Variants in EXOC5 observed in about 807,000 individuals in gnomAD.
The protein encoded by EXOC5 is SEC10-like 1.
Under a neutral mutation model 90.8 loss-of-function variants are expected in EXOC5, and 17 were observed. The observed-to-expected ratio is 0.19, with a 90% confidence interval of 0.13 to 0.28. The LOEUF is 0.28. Among genes scored for constraint, EXOC5 ranks in the 10% least tolerant of loss-of-function variants. EXOC5 has a pLI of 1.00. For missense variants in EXOC5, 569 were observed against 830.6 expected, an observed-to-expected ratio of 0.69 and a Z score of 3.87; for synonymous variants, 260 against 270.0, an observed-to-expected ratio of 0.96 and a Z score of 0.36.
At chr14:57,238,367 T>C (rs370553943) in intron 5 of EXOC5, among the ~76,000 whole-genome samples, 10,326 of 95,826 alleles carry the variant, frequency 0.11, 680 homozygotes, top group African/African-American at 0.25. Context: ...TATATATATA[T>C]ATATATATAC....
intron 12 of EXOC5, among the ~76,000 whole-genome samples, chr14:57,225,376 C>A (rs1409737352): frequency 6.6e-6 from 1 of 152,164 alleles, no homozygotes; most frequent in Non-Finnish European, 1.5e-5. Flanking sequence ...TAGTATCATA[C>A]TTAATGGTGA....
At chr14:57,255,913 C>G (rs1566505795) in intron 1 of EXOC5, among the ~76,000 whole-genome samples, 3 of 151,644 alleles carry the variant, frequency 2.0e-5, no homozygotes, top group Admixed American at 6.6e-5. Context: ...TTATATGATG[C>G]TGTGACTCCC....
At chr14:57,214,433 G>A (rs772806573) in intron 15 of EXOC5, among the ~76,000 whole-genome samples, 10 of 152,046 alleles carry the variant, frequency 6.6e-5, no homozygotes, top group East Asian at 3.9e-4. Context: ...TTTTTATTTC[G>A]GATTTTTGGA....
chr14:57,221,488 G>C (rs1195156576), intron 13 of EXOC5, among the ~76,000 whole-genome samples: 1 of 152,202 alleles, frequency 6.6e-6, no homozygotes, highest in Non-Finnish European at 1.5e-5. Context: ...GTTACAAGTA[G>C]ACAGAGATAA....
At chr14:57,227,578 T>C (rs1261727115) in intron 12 of EXOC5, among the ~76,000 whole-genome samples, 1 of 152,158 alleles carries the variant, frequency 6.6e-6, no homozygotes, top group Non-Finnish European at 1.5e-5. Flanking sequence ...CCATTGGCGG[T>C]GTGTGACAAC....
At chr14:57,227,220 T>G (rs1400436618) in intron 12 of EXOC5, among the ~76,000 whole-genome samples, 1 of 152,094 alleles carries the variant, frequency 6.6e-6, no homozygotes, top group Non-Finnish European at 1.5e-5. Flanking sequence ...ATCACTGCAT[T>G]AGGAAAATGA....
At chr14:57,243,173 A>C (rs1883924010) in intron 4 of EXOC5, 1 of 152,208 alleles carries the variant, frequency 6.6e-6, no homozygotes, top group African/African-American at 2.4e-5. Context: ...TGACAGGTAC[A>C]CTAAAATCTC....
intron 4 of EXOC5, among the ~76,000 whole-genome samples, chr14:57,242,265 G>T (rs1304932145): frequency 1.3e-5 from 2 of 148,878 alleles, no homozygotes. Flanking sequence ...TTTTTTTCTT[G>T]AGACAGGGTC....
intron 11 of EXOC5, 55 bp from the exon 12 acceptor site, chr14:57,229,936 C>CTT: frequency 9.0e-7 from 1 of 1,110,680 alleles, no homozygotes; most frequent in Non-Finnish European, 1.2e-6. Flanking sequence ...TAGATTTCAA[C>CTT]TTTGAGTACT....
chr14:57,223,198 G>A (rs537775739), intron 12 of EXOC5, among the ~76,000 whole-genome samples: 37 of 152,134 alleles, frequency 2.4e-4, no homozygotes, highest in African/African-American at 8.2e-4. Context: ...TCATTTTGGC[G>A]CTGCTGTTGC....
At chr14:57,212,103 G>A (rs1882845124) in intron 15 of EXOC5, among the ~76,000 whole-genome samples, 1 of 152,160 alleles carries the variant, frequency 6.6e-6, no homozygotes, top group South Asian at 2.1e-4. Context: ...GGGCTCAAGT[G>A]ATCCTCCTGC....
intron 9 of EXOC5, 24 bp from the exon 10 acceptor site, chr14:57,232,773 T>C (rs1427202784): frequency 1.2e-5 from 13 of 1,103,296 alleles, no homozygotes; most frequent in Non-Finnish European, 1.7e-5. Context: ...GTTAACATTC[T>C]GTTAATTAGG....
chr14:57,232,350 T>G lies in EXOC5; in HGVS notation c.938+317A>C, dbSNP rs183942119. On this transcript the variant is annotated intron_variant, in intron 10 of 17. Coordinates refer to ENST00000621441, the MANE Select transcript of EXOC5 (RefSeq NM_006544.4). ...GCACAAGACAAATTCCTACAGAAGA[T>G]TTAGAGCTGAAATTGTCATTTGTTA... 308 of 174,816 alleles carry G rather than the reference T, an allele frequency of 1.8e-3. 1 individual carries two copies. Among genetic ancestry groups the G allele is most frequent in the African/African-American group, 6.9e-3 (295 of 42,610 alleles). The allele number at this position is 174,816 out of a possible 1,614,324, so 10.8% of individuals were successfully genotyped here. A position where few individuals can be genotyped will look rare whatever the true frequency, so the allele number is the denominator to read the frequency against.
In EXOC5 at chr14:57,246,825, T is replaced by G; in HGVS notation, c.156A>C (p.Glu52Asp). The G allele has an allele frequency of 6.3e-7, 1 of 1,588,920 alleles. No homozygotes were observed. Among genetic ancestry groups the G allele is most frequent in the Non-Finnish European group, 8.6e-7 (1 of 1,162,802 alleles). The part of the protein sequence containing the change: ...LLEEFVNHIQ[E>D]LQIMDERIQR... ...GAATCCTTTCATCCATTATCTGGAG[T>G]TCCTGAATATGATTTACAAATTCTT... Residue 52 changes from glutamate (E) to aspartate (D), a missense_variant, in exon 3 of 18, where the codon GAA becomes GAC. By Grantham distance (45) the Glu-to-Asp change is conservative. Around this residue, in one of 9 missense-constraint regions of EXOC5, gnomAD observed 45 missense variants for 44.6 expected, o/e 1.01. Transcript: ENST00000621441.
intron 1 of EXOC5, among the ~76,000 whole-genome samples, chr14:57,264,974 T>G (rs1041949777): frequency 6.6e-6 from 1 of 152,124 alleles, no homozygotes; most frequent in African/African-American, 2.4e-5. Context: ...TAACAAGCAG[T>G]AGAAAATAAA....
intron 15 of EXOC5, among the ~76,000 whole-genome samples, chr14:57,212,330 A>C (rs1167971838): frequency 6.6e-6 from 1 of 152,226 alleles, no homozygotes; most frequent in African/African-American, 2.4e-5. Context: ...GTAAGCCACT[A>C]GTACAAAATG....
rs998336191 is a variant in EXOC5, at chr14:57,229,657, C to T, written c.1296+77G>A. ...TGAGCATCCACGATTTTGGTATCCT[C>T]GGAGGTTCTGGAATCAATTCCCCAC... On this transcript the variant is annotated intron_variant, in intron 12 of 17. Coordinates refer to ENST00000621441, the MANE Select transcript of EXOC5 (RefSeq NM_006544.4). The T allele has an allele frequency of 1.4e-5, 16 of 1,110,286 alleles. No individual in the cohort carries two copies. The East Asian group carries it at 2.2e-4, about 15-fold the overall frequency. 68.8% of individuals were successfully genotyped at this position (1,110,286 alleles called of 1,614,324 possible). A position where few individuals can be genotyped will look rare whatever the true frequency, so the allele number is the denominator to read the frequency against.
At chr14:57,257,495 A>G (rs1884384601) in intron 1 of EXOC5, among the ~76,000 whole-genome samples, 1 of 152,152 alleles carries the variant, frequency 6.6e-6, no homozygotes, top group South Asian at 2.1e-4. Context: ...AGATTTGGAG[A>G]TAAGAGCAGG....
At position 57,201,220 on chromosome 14, in the gene EXOC5, T is replaced by C. The variant is rs1179044745; in HGVS notation, c.*7389A>G. 1.3e-5 allele frequency: 2 copies of C among 151,994 alleles called. No individual in the cohort carries two copies. Among genetic ancestry groups the C allele is most frequent in the Non-Finnish European group, 2.9e-5 (2 of 68,004 alleles). The allele number at this position is 151,994 out of a possible 1,614,324, so 9.4% of individuals were successfully genotyped here. On this transcript the variant is annotated 3_prime_UTR_variant, in exon 18 of 18. Transcript: ENST00000621441. The stretch of plus-strand genomic sequence containing the variant: ...GAGCTGGGGCAAGGCAAGTACAAGA[T>C]GACCTTGGAAAATCCTGTTGTGCCC...
Sources: allele counts gnomAD v4.1 joint callset (sites outside exome capture counted in the v4.1 genomes callset), GRCh38; gene constraint gnomAD v4.1.1; regional missense constraint gnomAD v4.1.1; transcripts MANE v1.5; gene names NCBI Gene and HGNC (gene_info 2026-07-23, HGNC 2026-07-21).